ACACB: variants seen among roughly 807,000 people sequenced by gnomAD.
ACACB encodes the protein acetyl-CoA carboxylase 2.
A neutral mutation model predicts 278.8 loss-of-function variants in ACACB; 209 were observed. The observed-to-expected ratio is 0.75, with a 90% CI of 0.67 to 0.84. The LOEUF is 0.84. Ranked by LOEUF, ACACB falls within the 40% of genes least tolerant of loss-of-function variation. The pLI is 0.00. For missense variants in ACACB, 2,850 were observed against 3,269.0 expected, an observed-to-expected ratio of 0.87 and a Z score of 3.13; for synonymous variants, 1,174 against 1,285.6, an observed-to-expected ratio of 0.91 and a Z score of 1.86.
At chr12:109,136,881 C>T (rs1371468922) in intron 1 of ACACB, among the ~76,000 whole-genome samples, 1 of 152,168 alleles carries the variant, frequency 6.6e-6, no homozygotes, top group East Asian at 1.9e-4. Context: ...ACTTCCAGTA[C>T]AGTGTTGAAT....
At chr12:109,171,317 A>C (rs1424180622) in intron 4 of ACACB, among the ~76,000 whole-genome samples, 1 of 151,624 alleles carries the variant, frequency 6.6e-6, no homozygotes, top group Non-Finnish European at 1.5e-5. Flanking sequence ...GTATCACATA[A>C]TTAAAATCAT....
intron 2 of ACACB, among the ~76,000 whole-genome samples, chr12:109,147,486 C>T (rs1277582339): frequency 6.6e-6 from 1 of 150,940 alleles, no homozygotes; most frequent in Non-Finnish European, 1.5e-5. Context: ...TTCAAGCAAT[C>T]CACCCACCTC....
At chr12:109,218,770 TC>T (rs2046079418) in intron 24 of ACACB, among the ~76,000 whole-genome samples, 1 of 142,666 alleles carries the variant, frequency 7.0e-6, no homozygotes, top group Non-Finnish European at 1.5e-5. Flanking sequence ...CTTCTATCTA[TC>T]TTTTTTTTTT....
At chr12:109,240,708 G>A (rs1013889319) in intron 35 of ACACB, among the ~76,000 whole-genome samples, 1 of 151,698 alleles carries the variant, frequency 6.6e-6, no homozygotes, top group Non-Finnish European at 1.5e-5. Flanking sequence ...CCCATGTGGA[G>A]GCTCTGGCCT....
At chr12:109,154,938 AAAGT>A (rs1253258798) in intron 2 of ACACB, 1 of 152,746 alleles carries the variant, frequency 6.5e-6, no homozygotes, top group Non-Finnish European at 1.5e-5. Context: ...ATCGCGAAGT[AAAGT>A]AAGTAAGCCT....
chr12:109,165,223 A>C (rs1242869803), intron 2 of ACACB, among the ~76,000 whole-genome samples: 1 of 152,194 alleles, frequency 6.6e-6, no homozygotes, highest in Non-Finnish European at 1.5e-5. Context: ...AATTCTAGGG[A>C]TGTCAGCAAA....
intron 34 of ACACB, among the ~76,000 whole-genome samples, chr12:109,238,407 TATATATAATA>T (rs2046696256): frequency 7.1e-6 from 1 of 140,512 alleles, no homozygotes; most frequent in African/African-American, 2.6e-5. Flanking sequence ...TATATATAAT[TATATATAATA>T]ATATATATAA....
intron 19 of ACACB, among the ~76,000 whole-genome samples, chr12:109,203,178 A>G (rs914362285): frequency 3.9e-5 from 6 of 152,224 alleles, no homozygotes; most frequent in African/African-American, 1.4e-4. Context: ...ATCTGATAGC[A>G]TGTGGCAGAA....
chr12:109,198,594 G>T (rs186325201), intron 17 of ACACB, among the ~76,000 whole-genome samples: 11 of 152,084 alleles, frequency 7.2e-5, no homozygotes, highest in African/African-American at 2.7e-4. Flanking sequence ...AATTTAGGGG[G>T]TTGTGATGGG....
At chr12:109,242,180 C>A in intron 36 of ACACB, 2 of 412,750 alleles carry the variant, frequency 4.8e-6, no homozygotes, top group Non-Finnish European at 4.4e-6. Flanking sequence ...TCCATGCATG[C>A]CTGTTGTTGG....
chr12:109,187,510 G>A (rs1281745345), intron 12 of ACACB, among the ~76,000 whole-genome samples: 1 of 151,506 alleles, frequency 6.6e-6, no homozygotes, highest in Non-Finnish European at 1.5e-5. Flanking sequence ...ACCCAGGCGG[G>A]AGTGCAGTGG....
chr12:109,202,249 A>G (rs1423362280), intron 19 of ACACB, among the ~76,000 whole-genome samples: 1 of 152,074 alleles, frequency 6.6e-6, no homozygotes, highest in Non-Finnish European at 1.5e-5. Flanking sequence ...GAGTTCCCAT[A>G]TTCTCTGTGG....
chr12:109,199,521 T>A lies in ACACB; in HGVS notation c.2747T>A (p.Val916Asp). The stretch of plus-strand genomic sequence containing the variant: ...TACACAGTGGAGGATGGGGGCCACG[T>A]TGAGGCTGGGAGCAGCTACGCTGAG... The part of the protein sequence containing the change: ...TQYTVEDGGH[V>D]EAGSSYAEME... The change falls in exon 18 of 53, where the codon GTT (valine) becomes GAT (aspartate). Residue 916 changes from valine (V) to aspartate (D), a missense_variant. Physicochemically the swap from Val to Asp is radical, Grantham distance 152. This residue lies in a region of ACACB where 2,265 missense variants were observed against 2,561.3 expected (regional missense o/e 0.88). Coordinates refer to ENST00000338432, the MANE Select transcript of ACACB (RefSeq NM_001093.4). The A allele has an allele frequency of 1.3e-6, 2 of 1,516,362 alleles. 1 individual carries two copies. The highest frequency in any genetic ancestry group is 1.8e-6 in the Non-Finnish European group (2 of 1,128,858). 93.9% of individuals were successfully genotyped at this position (1,516,362 alleles called of 1,614,324 possible).
At chr12:109,178,027 G>A (rs1020046312) in intron 9 of ACACB, among the ~76,000 whole-genome samples, 1 of 152,090 alleles carries the variant, frequency 6.6e-6, no homozygotes, top group Non-Finnish European at 1.5e-5. Flanking sequence ...TCAGCCATGT[G>A]TTAAGAATAA....
At chr12:109,179,512 A>T in intron 10 of ACACB, 1 of 618,752 alleles carries the variant, frequency 1.6e-6, no homozygotes, top group Non-Finnish European at 2.8e-6. Flanking sequence ...TTTGAGACAG[A>T]GTCTCACTGT....
chr12:109,187,251 C>T (rs2044694374), intron 12 of ACACB, among the ~76,000 whole-genome samples: 1 of 152,108 alleles, frequency 6.6e-6, no homozygotes, highest in Non-Finnish European at 1.5e-5. Flanking sequence ...TGGATTTCTT[C>T]ACCTGCAGAG....
chr12:109,133,851 ATATATATATATAT>A (rs1320168730), intron 1 of ACACB, among the ~76,000 whole-genome samples: 1 of 80,650 alleles, frequency 1.2e-5, no homozygotes, highest in Non-Finnish European at 2.4e-5. Context: ...ATATATATAT[ATATATATATATAT>A]TTTTTTTTTT....
At chr12:109,133,240 TTCTC>T (rs55987918) in intron 1 of ACACB, among the ~76,000 whole-genome samples, 40,481 of 148,130 alleles carry the variant, frequency 0.27, 5,733 homozygotes, top group East Asian at 0.59. Context: ...GCACTTCTCT[TTCTC>T]TCTCTCTCTC....
Position 109,232,822 on chromosome 12 carries a change from C to G in ACACB, c.4139+16C>G, listed in dbSNP as rs765629638. 37 of 1,613,558 alleles carry G rather than the reference C, an allele frequency of 2.3e-5. No individual in the cohort carries two copies. The highest frequency in any genetic ancestry group is 3.1e-5 in the Non-Finnish European group (36 of 1,179,802). On this transcript the variant is annotated intron_variant, in intron 29 of 52. Coordinates refer to ENST00000338432, the MANE Select transcript of ACACB (RefSeq NM_001093.4). Reference sequence around the variant, plus strand: ...ACTTCACCAGGTACCCAGCATGGCCCGGTCTCCAACACCCTGAGCATGGGG... The same window carrying G: ...ACTTCACCAGGTACCCAGCATGGCCGGGTCTCCAACACCCTGAGCATGGGG...
Sources: allele counts gnomAD v4.1 joint callset (sites outside exome capture counted in the v4.1 genomes callset), GRCh38; gene constraint gnomAD v4.1.1; regional missense constraint gnomAD v4.1.1; transcripts MANE v1.5; gene names NCBI Gene and HGNC (gene_info 2026-07-23, HGNC 2026-07-21).